VDR: variants seen among roughly 807,000 people sequenced by gnomAD.
VDR encodes vitamin D3 receptor.
A neutral mutation model predicts 39.7 loss-of-function variants in VDR; 19 were observed. That is an observed-to-expected ratio of 0.48 (90% CI 0.33 to 0.70). VDR has a LOEUF of 0.70. Ranked by LOEUF, VDR falls within the 30% of genes least tolerant of loss-of-function variation. VDR has a pLI of 0.02. For missense variants in VDR, 442 were observed against 570.5 expected, an observed-to-expected ratio of 0.77 and a Z score of 2.29; for synonymous variants, 242 against 215.8, an observed-to-expected ratio of 1.12 and a Z score of -1.07.
rs73111909 is a variant in VDR, at chr12:47,879,778, G to A, written c.-2-663C>T. ...AAGATATTTCCCCCCCCTTTTTTTG[G>A]CAATAACACTTAAAACATTATTTTG... On this transcript the variant is annotated intron_variant, in intron 2 of 9. Transcript: ENST00000549336. 1.7e-4 allele frequency among the ~76,000 whole-genome samples: 26 copies of A among 151,958 alleles called. 1 individual carries two copies. The highest frequency in any genetic ancestry group is 3.4e-4 in the Non-Finnish European group (23 of 67,926).
chr12:47,865,035 C>G lies in VDR; in HGVS notation c.277+12G>C, dbSNP rs1565618193. 2 of 1,613,112 alleles carry G rather than the reference C, an allele frequency of 1.2e-6. No homozygotes were observed. The highest frequency in any genetic ancestry group is 1.7e-5 in the Admixed American group (1 of 60,016). ...TTCAGGCCCAAACCCTGCCCAGCCC[C>G]TGGACACTCACACTCCTTCATCATG... On this transcript the variant is annotated intron_variant, in intron 4 of 9. Transcript: ENST00000549336.
rs1945479300 is a variant in VDR at position 47,855,924 on chromosome 12, C to T, written c.584-123G>A. ...GAGCCAGCTGGGAATCCCACAGTGA[C>T]TCCACAGGTCACCCTTCAGCCCCAG... On this transcript the variant is annotated intron_variant, in intron 6 of 9. Transcript: ENST00000549336. The T allele has an allele frequency of 3.6e-6, 4 of 1,115,094 alleles. No individual in the cohort carries two copies. In the Admixed American group the frequency reaches 5.8e-5, roughly 16 times the overall value. 69.1% of individuals were successfully genotyped at this position (1,115,094 alleles called of 1,614,324 possible). A position where few individuals can be genotyped will look rare whatever the true frequency, so the allele number is the denominator to read the frequency against.
chr12:47,848,814 G>A (rs61079839), intron 7 of VDR, among the ~76,000 whole-genome samples: 62 of 152,070 alleles, frequency 4.1e-4, no homozygotes, highest in African/African-American at 1.5e-3. Flanking sequence ...TAATCTGCCT[G>A]CCTCAGCCTC....
At position 47,844,376 on chromosome 12, in the gene VDR, G is replaced by C; in HGVS notation, c.*370C>G. ...AGTGGGGGGAGGTGCAGGTGTCTCT[G>C]TCCCTGAGGAATGGATGCATTTCTC... is the stretch of plus-strand genomic sequence containing the variant. On this transcript the variant is annotated 3_prime_UTR_variant, in exon 10 of 10. Transcript: ENST00000549336. 1 of 406,802 alleles carries C rather than the reference G, an allele frequency of 2.5e-6. No individual in the cohort carries two copies. Among genetic ancestry groups the C allele is most frequent in the Non-Finnish European group, 4.6e-6 (1 of 218,048 alleles). 25.2% of individuals were successfully genotyped at this position (406,802 alleles called of 1,614,324 possible).
At chr12:47,848,804 T>A (rs542860712) in intron 7 of VDR, among the ~76,000 whole-genome samples, 2 of 151,946 alleles carry the variant, frequency 1.3e-5, no homozygotes, top group Non-Finnish European at 2.9e-5. Context: ...TGACCTCAGA[T>A]AATCTGCCTG....
chr12:47,881,714 A>G (rs1592139001), intron 2 of VDR, among the ~76,000 whole-genome samples: 1 of 152,180 alleles, frequency 6.6e-6, no homozygotes, highest in South Asian at 2.1e-4. Context: ...AAAACAATTA[A>G]AAATAGAAAA....
In VDR at chr12:47,842,934, G is replaced by T. The variant is rs1219138802; in HGVS notation, c.*1812C>A. On this transcript the variant is annotated 3_prime_UTR_variant, in exon 10 of 10. Coordinates refer to ENST00000549336, the MANE Select transcript of VDR (RefSeq NM_000376.3). ...ACGTTCTGCAGCTAAAATCAAACAA[G>T]GGTCTCTCCCTAGACCCTTGTAAAA... 6.6e-6 allele frequency: 1 copy of T among 152,016 alleles called. No individual in the cohort carries two copies. The highest frequency in any genetic ancestry group is 2.4e-5 in the African/African-American group (1 of 41,360). The allele number at this position is 152,016 out of a possible 1,614,324, so 9.4% of individuals were successfully genotyped here.
intron 1 of VDR, chr12:47,904,462 T>TAAAAAAAAAAAAAAAAAAA (rs17886628): frequency 3.4e-4 from 124 of 360,290 alleles, no homozygotes; most frequent in South Asian, 3.6e-4. Flanking sequence ...CAAAGAAAAG[T>TAAAAAAAAAAAAAAAAAAA]AAAAAAAAAA....
chr12:47,858,685 G>C (rs945664605), intron 4 of VDR, among the ~76,000 whole-genome samples: 1 of 152,258 alleles, frequency 6.6e-6, no homozygotes, highest in Non-Finnish European at 1.5e-5. Context: ...CTGACGGCAG[G>C]AGTGGGCACC....
chr12:47,883,219 G>A (rs1002378135), intron 1 of VDR, among the ~76,000 whole-genome samples: 2 of 152,114 alleles, frequency 1.3e-5, no homozygotes, highest in East Asian at 1.9e-4. Context: ...TGCTAAGAGC[G>A]GGAAGACGGC....
In VDR at chr12:47,855,644, C is replaced by T; in HGVS notation, c.741G>A (p.Met247Ile). The change falls in exon 7 of 10, where the codon ATG becomes ATA. Residue 247 changes from methionine (M) to isoleucine (I), a missense_variant. Physicochemically the swap from Met to Ile is conservative, Grantham distance 10. Transcript: ENST00000549336. Reference sequence around the variant, plus strand: ...AAGTTTCTTACCTGAATCCTGGTATCATCTTAGCAAAGCCAATGACCTTTT... The same window carrying T: ...AAGTTTCTTACCTGAATCCTGGTATTATCTTAGCAAAGCCAATGACCTTTT... ...SIQKVIGFAK[M>I]IPGFRDLTSE... is the part of the protein sequence containing the mutation. 1 of 1,614,166 alleles carries T rather than the reference C, an allele frequency of 6.2e-7. No homozygotes were observed. The highest frequency in any genetic ancestry group is 8.5e-7 in the Non-Finnish European group (1 of 1,180,014).
chr12:47,890,782 G>T (rs1946355357), intron 1 of VDR, among the ~76,000 whole-genome samples: 4 of 152,340 alleles, frequency 2.6e-5, no homozygotes, highest in South Asian at 4.1e-4. Context: ...GTGGGTGCAG[G>T]AGACAAAATG....
At chr12:47,868,692 C>A (rs1184324475) in intron 3 of VDR, among the ~76,000 whole-genome samples, 1 of 152,162 alleles carries the variant, frequency 6.6e-6, no homozygotes, top group Non-Finnish European at 1.5e-5. Flanking sequence ...AATGCTCAGG[C>A]CTCAGAATGC....
At chr12:47,875,428 G>A (rs531093443) in intron 3 of VDR, among the ~76,000 whole-genome samples, 1 of 152,318 alleles carries the variant, frequency 6.6e-6, no homozygotes. Context: ...AAGGATGCAA[G>A]GATGCAGTAC....
chr12:47,869,854 G>A (rs1448000612), intron 3 of VDR, among the ~76,000 whole-genome samples: 3 of 152,214 alleles, frequency 2.0e-5, no homozygotes, highest in African/African-American at 4.8e-5. Flanking sequence ...CCAAGATTGT[G>A]CCACTGCACT....
chr12:47,888,312 G>T (rs1946299825), intron 1 of VDR, among the ~76,000 whole-genome samples: 1 of 152,082 alleles, frequency 6.6e-6, no homozygotes, highest in Non-Finnish European at 1.5e-5. Context: ...ATTCGGTGGG[G>T]ACGCAGCCAA....
At chr12:47,883,817 T>C (rs1198846207) in intron 1 of VDR, among the ~76,000 whole-genome samples, 1 of 152,168 alleles carries the variant, frequency 6.6e-6, no homozygotes, top group Non-Finnish European at 1.5e-5. Context: ...TTCCAAGACC[T>C]GGGCCCGGTC....
intron 1 of VDR, among the ~76,000 whole-genome samples, chr12:47,890,107 A>G (rs921512086): frequency 2.0e-5 from 3 of 152,002 alleles, no homozygotes; most frequent in Admixed American, 2.0e-4. Flanking sequence ...GATTCAAAAA[A>G]TCAGTGAAAG....
chr12:47,904,462 TA>T (rs17886628), intron 1 of VDR: 61,517 of 357,620 alleles, frequency 0.17, 18 homozygotes, highest in Non-Finnish European at 0.19. Flanking sequence ...CAAAGAAAAG[TA>T]AAAAAAAAAA....
Sources: allele counts gnomAD v4.1 joint callset (sites outside exome capture counted in the v4.1 genomes callset), GRCh38; gene constraint gnomAD v4.1.1; transcripts MANE v1.5; gene names NCBI Gene and HGNC (gene_info 2026-07-23, HGNC 2026-07-21).